Variants in TPO observed in about 807,000 individuals in gnomAD.
TPO encodes the protein thyroid microsomal antigen.
TPO carries 78 observed loss-of-function variants against 96.9 expected under a neutral mutation model. The observed-to-expected ratio is 0.81, with a 90% CI of 0.67 to 0.97. The LOEUF is 0.97. TPO is among the 50% of genes least tolerant of loss of function. TPO has a pLI of 0.00. For synonymous variants in TPO, 547 were observed against 538.0 expected (o/e 1.02, Z -0.23); for missense variants, 1,252 against 1,274.8 (o/e 0.98, Z 0.27).
chr2:1,435,931 G>A (rs76291881), intron 4 of TPO, among the ~76,000 whole-genome samples: 3,476 of 152,260 alleles, frequency 0.023, 114 homozygotes, highest in East Asian at 0.12. Flanking sequence ...TGTGCTTAGT[G>A]AGAGTTGATG....
chr2:1,420,610 G>A (rs1038187488), intron 2 of TPO, among the ~76,000 whole-genome samples: 4 of 152,182 alleles, frequency 2.6e-5, no homozygotes, highest in Non-Finnish European at 4.4e-5. Context: ...GGTGGTGGAC[G>A]TCCTGGATTC....
At chr2:1,537,475 T>TCCCAA (rs1558441400) in intron 15 of TPO, among the ~76,000 whole-genome samples, 123 of 93,532 alleles carry the variant, frequency 1.3e-3, no homozygotes, top group East Asian at 1.9e-3. Flanking sequence ...CCTCCTCAAA[T>TCCCAA]TCTTCCACTC....
At chr2:1,460,731 G>T (rs755882362) in intron 7 of TPO, among the ~76,000 whole-genome samples, 1 of 152,144 alleles carries the variant, frequency 6.6e-6, no homozygotes, top group East Asian at 1.9e-4. Flanking sequence ...AGGGATGTGG[G>T]GTGATTAGGG....
chr2:1,456,365 G>A (rs370652332), intron 7 of TPO, 83 bp downstream of exon 7: 1 of 1,439,842 alleles, frequency 6.9e-7, no homozygotes, highest in Non-Finnish European at 9.6e-7. Context: ...AAAACAAAAT[G>A]TGAAAGTCTG....
intron 5 of TPO, among the ~76,000 whole-genome samples, chr2:1,449,325 G>A (rs555021049): frequency 2.2e-4 from 33 of 152,284 alleles, no homozygotes; most frequent in African/African-American, 7.2e-4. Context: ...ATGTCTGACA[G>A]CTATTTTCTT....
intron 5 of TPO, among the ~76,000 whole-genome samples, chr2:1,445,757 G>A (rs1666740627): frequency 3.1e-5 from 3 of 95,642 alleles, no homozygotes; most frequent in Admixed American, 1.1e-4. Flanking sequence ...ATGTTGGAAG[G>A]GAATGGGGTA....
intron 13 of TPO, among the ~76,000 whole-genome samples, chr2:1,501,102 G>A (rs975044058): frequency 6.6e-6 from 1 of 152,124 alleles, no homozygotes; most frequent in African/African-American, 2.4e-5. Flanking sequence ...AGGAGGTTAT[G>A]CAGTAAACGA....
At position 1,459,190 on chromosome 2, in the gene TPO, C is replaced by T. The variant is rs1210174233; in HGVS notation, c.819+2908C>T. Among the ~76,000 whole-genome samples, 8 of 151,702 alleles carry T rather than the reference C, an allele frequency of 5.3e-5. No homozygotes were observed. The South Asian group carries it at 1.2e-3, about 24-fold the overall frequency. Reference sequence around the variant, plus strand: ...TTTTTAAGACAGGGTCTCACCCAGTCGCCCAGGCTGGAGTGCAGTGGTGCA... The same window carrying T: ...TTTTTAAGACAGGGTCTCACCCAGTTGCCCAGGCTGGAGTGCAGTGGTGCA... On this transcript the variant is annotated intron_variant, in intron 7 of 16. Transcript: ENST00000329066.
At chr2:1,534,667 C>A (rs1260594904) in intron 15 of TPO, among the ~76,000 whole-genome samples, 2 of 147,222 alleles carry the variant, frequency 1.4e-5, no homozygotes, top group East Asian at 2.0e-4. Context: ...CCAAATACCC[C>A]CCCCACTCTG....
chr2:1,444,403 T>C, intron 5 of TPO, among the ~76,000 whole-genome samples: 1 of 143,542 alleles, frequency 7.0e-6, no homozygotes, highest in South Asian at 2.3e-4. Flanking sequence ...GATCCAGTCA[T>C]TGCTGCAGGA....
At chr2:1,503,838 G>T in intron 13 of TPO, 110 bp from the exon 14 acceptor site, 1 of 1,592,692 alleles carries the variant, frequency 6.3e-7, no homozygotes. Context: ...GGGATGGCAG[G>T]CAAAGGGCTG....
intron 15 of TPO, 85 bp from the exon 16 acceptor site, chr2:1,540,509 T>G (rs919905018): frequency 6.2e-7 from 1 of 1,600,568 alleles, no homozygotes; most frequent in Non-Finnish European, 8.5e-7. Context: ...CACGGCTGCC[T>G]TGCCGTCGCT....
chr2:1,403,632 C>G (rs1348872900), intron 1 of TPO, among the ~76,000 whole-genome samples: 1 of 152,196 alleles, frequency 6.6e-6, no homozygotes, highest in African/African-American at 2.4e-5. Context: ...CTGCAGCTGC[C>G]CCCTTACCAT....
At position 1,395,723 on chromosome 2, in the gene TPO, C is replaced by CGTTCTAGTGATAGTGT. The variant is rs368821265; in HGVS notation, n.180+21369_180+21384dup. Reference sequence around the variant, plus strand: ...TCATGGGGGTGGGTTTTTCTCATGCCGTTCTAGTGATAGTGTGTTCTAGTG... The same window carrying CGTTCTAGTGATAGTGT: ...TCATGGGGGTGGGTTTTTCTCATGCCGTTCTAGTGATAGTGTGTTCTAGTGATAGTGTGTTCTAGTG... On this transcript the variant is annotated intron_variant and non_coding_transcript_variant, in intron 1 of 5. Coordinates refer to the TPO transcript ENST00000497517. Among the ~76,000 whole-genome samples, 272 of 151,374 alleles carry CGTTCTAGTGATAGTGT rather than the reference C, an allele frequency of 1.8e-3. 2 individuals carry two copies. Among genetic ancestry groups the CGTTCTAGTGATAGTGT allele is most frequent in the South Asian group, 3.1e-3 (15 of 4,792 alleles).
upstream of TPO, among the ~76,000 whole-genome samples, chr2:1,413,164 A>G (rs1368369494): frequency 6.6e-6 from 1 of 152,144 alleles, no homozygotes; most frequent in Non-Finnish European, 1.5e-5. Context: ...CTGTGAAAGT[A>G]AGAGGGAGGA....
intron 14 of TPO, among the ~76,000 whole-genome samples, chr2:1,513,984 G>A (rs1178449146): frequency 6.6e-6 from 1 of 152,190 alleles, no homozygotes; most frequent in Non-Finnish European, 1.5e-5. Flanking sequence ...CATAGACATA[G>A]TTTTACATGT....
In TPO at chr2:1,522,571, G is replaced by A. The variant is rs568632665; in HGVS notation, c.2618+5589G>A. ...TCTACCTCACACAGGCCCTGCCACC[G>A]TGTGATGCCCAGCCATTCCCACTTC... On this transcript the variant is annotated intron_variant, in intron 15 of 16. Coordinates refer to ENST00000329066, the MANE Select transcript of TPO (RefSeq NM_001206744.2). Among the ~76,000 whole-genome samples, 4 of 152,066 alleles carry A rather than the reference G, an allele frequency of 2.6e-5. No homozygotes were observed. In the South Asian group the frequency reaches 8.3e-4, roughly 32 times the overall value.
chr2:1,387,430 A>G (rs1661921119), intron 1 of TPO, among the ~76,000 whole-genome samples: 1 of 151,998 alleles, frequency 6.6e-6, no homozygotes, highest in Admixed American at 6.5e-5. Flanking sequence ...TTTTTTCTCT[A>G]AACTTCTCTT....
At position 1,457,537 on chromosome 2, in the gene TPO, T is replaced by G. The variant is rs545096043; in HGVS notation, c.819+1255T>G. ...ATACTGTGGGTACACATATATAGCA[T>G]GTATGATCGTGTGTGGGCAGATGTG... On this transcript the variant is annotated intron_variant, in intron 7 of 16. Coordinates refer to ENST00000329066, the MANE Select transcript of TPO (RefSeq NM_001206744.2). 1.8e-4 allele frequency among the ~76,000 whole-genome samples: 24 copies of G among 131,514 alleles called. 1 individual carries two copies. Among genetic ancestry groups the G allele is most frequent in the African/African-American group, 6.9e-4 (24 of 34,560 alleles). 86.3% of individuals were successfully genotyped at this position (131,514 alleles called of 152,430 possible).
Sources: allele counts gnomAD v4.1 joint callset (sites outside exome capture counted in the v4.1 genomes callset), GRCh38; gene constraint gnomAD v4.1.1; transcripts MANE v1.5; gene names NCBI Gene and HGNC (gene_info 2026-07-23, HGNC 2026-07-21).